PIEZO2: variants seen among roughly 807,000 people sequenced by gnomAD.
PIEZO2 encodes the protein piezo type mechanosensitive ion channel component 2, also known as piezo-type mechanosensitive ion channel component 2.
A neutral mutation model predicts 337.3 loss-of-function variants in PIEZO2; 172 were observed. That is an observed-to-expected ratio of 0.51 (90% CI 0.45 to 0.58). The LOEUF (loss-of-function observed/expected upper bound fraction) is 0.58. Among genes scored for constraint, PIEZO2 ranks in the 20% least tolerant of loss-of-function variants. PIEZO2 has a pLI of 0.00. For missense variants in PIEZO2, 3,028 were observed against 3,391.3 expected, an observed-to-expected ratio of 0.89 and a Z score of 2.66; for synonymous variants, 1,251 against 1,228.5, an observed-to-expected ratio of 1.02 and a Z score of -0.38.
chr18:10,880,042 T>G, intron 4 of PIEZO2, among the ~76,000 whole-genome samples: 1 of 152,184 alleles, frequency 6.6e-6, no homozygotes, highest in East Asian at 1.9e-4. Context: ...TTAACGGTAT[T>G]GGTAATGCTC....
Position 10,955,745 on chromosome 18 carries a change from T to C in PIEZO2, c.286+23790A>G, listed in dbSNP as rs571778713. On this transcript the variant is annotated intron_variant, in intron 3 of 55. Coordinates refer to ENST00000674853, the MANE Select transcript of PIEZO2 (RefSeq NM_001378183.1). ...ACAGAGAACTCCAATATTTCATTTT[T>C]ATATTTTGGATTGATGTTTTCTTAG... 1.1e-4 allele frequency among the ~76,000 whole-genome samples: 16 copies of C among 152,376 alleles called. No individual in the cohort carries two copies. The East Asian group carries it at 2.1e-3, about 20-fold the overall frequency.
intron 7 of PIEZO2, among the ~76,000 whole-genome samples, chr18:10,810,909 A>C (rs2040167009): frequency 6.6e-6 from 1 of 152,136 alleles, no homozygotes; most frequent in Admixed American, 6.5e-5. Flanking sequence ...CCTTCCAGAT[A>C]CCTCAATCAT....
At chr18:10,722,511 G>A (rs2036360025) in intron 36 of PIEZO2, among the ~76,000 whole-genome samples, 1 of 152,016 alleles carries the variant, frequency 6.6e-6, no homozygotes, top group Non-Finnish European at 1.5e-5. Flanking sequence ...ATTACAGGGT[G>A]AGCCACCGTG....
Position 10,696,122 on chromosome 18 carries a change from A to T in PIEZO2, c.7142T>A (p.Phe2381Tyr). 1 of 1,614,202 alleles carries T rather than the reference A, an allele frequency of 6.2e-7. No individual in the cohort carries two copies. The highest frequency in any genetic ancestry group is 2.2e-5 in the East Asian group (1 of 44,874). ...GKVIFQVILV[F>Y]GIHFWMFFIL... Reference sequence around the variant, plus strand: ...GAAGAACATCCAGAAGTGAATTCCGAACACAAGAATGACCTGGAAGATGAC... The same window carrying T: ...GAAGAACATCCAGAAGTGAATTCCGTACACAAGAATGACCTGGAAGATGAC... Residue 2381 changes from phenylalanine to tyrosine, a missense_variant, in exon 47 of 56, where the codon TTC (phenylalanine) becomes TAC (tyrosine). Around this residue, in one of 5 missense-constraint regions of PIEZO2, gnomAD observed 179 missense variants for 281.8 expected, o/e 0.64. Transcript: ENST00000674853.
chr18:10,697,904 G>T, intron 44 of PIEZO2, 24 bp from the exon 45 acceptor site: 1 of 1,588,590 alleles, frequency 6.3e-7, no homozygotes, highest in Non-Finnish European at 8.6e-7. Context: ...GAGATCATAA[G>T]ATGGGTGGTG....
At chr18:10,695,306 G>C (rs1055590886) in intron 47 of PIEZO2, among the ~76,000 whole-genome samples, 44 of 152,176 alleles carry the variant, frequency 2.9e-4, no homozygotes, top group African/African-American at 1.0e-3. Context: ...AGGCTGGGGA[G>C]AAGAAGGCTG....
intron 1 of PIEZO2, among the ~76,000 whole-genome samples, chr18:11,068,325 G>A (rs1008026729): frequency 2.6e-5 from 4 of 152,152 alleles, no homozygotes; most frequent in African/African-American, 9.7e-5. Flanking sequence ...ATCATATCAA[G>A]TGTCTTTTCC....
intron 3 of PIEZO2, among the ~76,000 whole-genome samples, chr18:10,914,270 T>G (rs969873338): frequency 9.2e-5 from 6 of 65,538 alleles, no homozygotes; most frequent in African/African-American, 3.7e-4. Flanking sequence ...AAACATGTTA[T>G]TTTTTTTTTT....
chr18:10,742,811 T>C (rs928009492), intron 31 of PIEZO2, among the ~76,000 whole-genome samples, 196 bp from the exon 32 acceptor site: 3 of 151,982 alleles, frequency 2.0e-5, no homozygotes, highest in South Asian at 2.1e-4. Flanking sequence ...TGTGTGTGTG[T>C]GTGTGTGTGT....
intron 30 of PIEZO2, among the ~76,000 whole-genome samples, chr18:10,745,421 C>A (rs2037385647): frequency 1.3e-5 from 2 of 152,180 alleles, no homozygotes. Flanking sequence ...TACATCACTC[C>A]CCCTTCACAG....
intron 27 of PIEZO2, among the ~76,000 whole-genome samples, chr18:10,756,678 G>A (rs1201619196): frequency 6.6e-6 from 1 of 150,476 alleles, no homozygotes; most frequent in Admixed American, 6.6e-5. Context: ...TGAGGAGGAG[G>A]GATGCAGGAT....
At chr18:11,098,968 A>T (rs908660311) in intron 1 of PIEZO2, among the ~76,000 whole-genome samples, 1 of 136,862 alleles carries the variant, frequency 7.3e-6, no homozygotes, top group African/African-American at 2.7e-5. Context: ...TGTATAATTT[A>T]AATTTTTTTT....
intron 1 of PIEZO2, among the ~76,000 whole-genome samples, chr18:11,113,914 A>G (rs1223912494): frequency 6.6e-6 from 1 of 152,170 alleles, no homozygotes; most frequent in Non-Finnish European, 1.5e-5. Flanking sequence ...TCCTCTTTTA[A>G]TATTTATCAC....
chr18:10,743,883 C>T (rs868707162), intron 31 of PIEZO2, among the ~76,000 whole-genome samples: 2 of 152,318 alleles, frequency 1.3e-5, no homozygotes, highest in Middle Eastern at 6.8e-3. Flanking sequence ...AGTCACTCAG[C>T]TAGCAATTGA....
Position 11,116,994 on chromosome 18 carries a change from A to G in PIEZO2, c.64+31531T>C, listed in dbSNP as rs1479644879. ...CTTGGTGGCACGTGCCTGTAGTGCC[A>G]GCTACTTTGGAGGCTGAGGCAAGAG... On this transcript the variant is annotated intron_variant, in intron 1 of 55. Transcript: ENST00000674853. The surrounding 1 kb of genome is among the most constrained non-coding windows in gnomAD (Gnocchi z 5.0). 6.6e-6 allele frequency among the ~76,000 whole-genome samples: 1 copy of G among 152,098 alleles called. No individual in the cohort carries two copies. Among genetic ancestry groups the G allele is most frequent in the Non-Finnish European group, 1.5e-5 (1 of 68,024 alleles).
At chr18:10,901,370 G>C (rs2043042206) in intron 4 of PIEZO2, among the ~76,000 whole-genome samples, 1 of 151,996 alleles carries the variant, frequency 6.6e-6, no homozygotes, top group African/African-American at 2.4e-5. Flanking sequence ...CTGTGCATGA[G>C]CTGTAACAGG....
intron 3 of PIEZO2, among the ~76,000 whole-genome samples, chr18:10,949,567 G>A (rs1272627527): frequency 6.6e-6 from 1 of 152,216 alleles, no homozygotes; most frequent in Non-Finnish European, 1.5e-5. Flanking sequence ...CCATGCAGCA[G>A]CCCTGCACCA....
chr18:10,914,006 G>A (rs2030709137), intron 3 of PIEZO2, among the ~76,000 whole-genome samples: 1 of 152,148 alleles, frequency 6.6e-6, no homozygotes, highest in Admixed American at 6.5e-5. Context: ...ACTTAGTCAT[G>A]ATGAAACAAG....
intron 2 of PIEZO2, among the ~76,000 whole-genome samples, chr18:11,056,561 G>A (rs952321004): frequency 1.3e-5 from 2 of 152,236 alleles, no homozygotes; most frequent in Non-Finnish European, 2.9e-5. Context: ...ATTTTGAAAA[G>A]AGAACATTAA....
Sources: allele counts gnomAD v4.1 joint callset (sites outside exome capture counted in the v4.1 genomes callset), GRCh38; gene constraint gnomAD v4.1.1; regional missense constraint gnomAD v4.1.1; non-coding constraint Gnocchi (gnomAD v3.1); transcripts MANE v1.5; gene names NCBI Gene and HGNC (gene_info 2026-07-23, HGNC 2026-07-21).